The following SPTAN1 variants were observed in gnomAD, a reference collection of about 807,000 sequenced individuals.
The protein encoded by SPTAN1 is spectrin alpha chain, non-erythrocytic 1.
SPTAN1 carries 61 observed loss-of-function variants against 331.3 expected under a neutral mutation model. The observed-to-expected ratio is 0.18, with a 90% confidence interval of 0.15 to 0.23. SPTAN1 has a LOEUF of 0.23. Ranked by LOEUF, SPTAN1 falls within the 10% of genes least tolerant of loss-of-function variation. The probability of loss-of-function intolerance (pLI) is 1.00; values close to 1 mark genes in which losing one functional copy is unlikely to be tolerated. For missense variants in SPTAN1, 2,043 were observed against 3,147.9 expected, an observed-to-expected ratio of 0.65 and a Z score of 8.40; for synonymous variants, 1,153 against 1,173.9, an observed-to-expected ratio of 0.98 and a Z score of 0.36.
At chr9:128,604,261 A>G (rs1855537847) in intron 28 of SPTAN1, 65 bp from the exon 29 acceptor site, 3 of 1,539,648 alleles carry the variant, frequency 1.9e-6, no homozygotes, top group Non-Finnish European at 2.7e-6. Context: ...TCATTTTCCC[A>G]AAGTCTGACT....
intron 27 of SPTAN1, among the ~76,000 whole-genome samples, chr9:128,602,201 GT>G (rs1428010341): frequency 1.7e-4 from 25 of 143,040 alleles, no homozygotes; most frequent in African/African-American, 6.4e-4. Context: ...TTTTTTTTTT[GT>G]TTTTTTTGGG....
chr9:128,596,977 T>C (rs1234681105), intron 24 of SPTAN1, among the ~76,000 whole-genome samples: 1 of 152,154 alleles, frequency 6.6e-6, no homozygotes, highest in African/African-American at 2.4e-5. Context: ...CTGGCCAACA[T>C]GGCAAAACCC....
Position 128,633,376 on chromosome 9 carries a change from T to C in SPTAN1, c.*42T>C, listed in dbSNP as rs901186025. 10 of 1,612,906 alleles carry C rather than the reference T, an allele frequency of 6.2e-6. No homozygotes were observed. The highest frequency in any genetic ancestry group is 8.5e-6 in the Non-Finnish European group (10 of 1,179,998). On this transcript the variant is annotated 3_prime_UTR_variant, in exon 57 of 57. Coordinates refer to ENST00000372739, the MANE Select transcript of SPTAN1 (RefSeq NM_001130438.3). ...CCCACCCCTCGCTGCTTGCCCTGCG[T>C]CGCCTTGCTGCATGTCCGCTCCTCT...
In SPTAN1 at chr9:128,609,376, G is replaced by A. The variant is rs778743322; in HGVS notation, c.4758+92G>A. On this transcript the variant is annotated intron_variant, in intron 36 of 56. Transcript: ENST00000372739. ...AAAGCATTTATAAAACAATCTCCTT[G>A]CACCCATGGGAAGTCAGTGAGAAAT... 1.1e-5 allele frequency: 18 copies of A among 1,569,030 alleles called. No individual in the cohort carries two copies. The South Asian group carries it at 1.5e-4, about 13-fold the overall frequency.
intron 24 of SPTAN1, among the ~76,000 whole-genome samples, chr9:128,595,404 C>T (rs1854137972): frequency 6.6e-6 from 1 of 152,224 alleles, no homozygotes; most frequent in Non-Finnish European, 1.5e-5. Flanking sequence ...GCTACCATGC[C>T]TGGCCTGTGT....
At chr9:128,632,981 G>A (rs771464146) in intron 56 of SPTAN1, 26 bp downstream of exon 56, 14 of 1,608,604 alleles carry the variant, frequency 8.7e-6, no homozygotes, top group Non-Finnish European at 1.1e-5. Flanking sequence ...GGTGGGTGAA[G>A]AGGTGTCCTT....
intron 44 of SPTAN1, among the ~76,000 whole-genome samples, chr9:128,620,759 G>A (rs533819057): frequency 1.2e-4 from 19 of 152,046 alleles, no homozygotes; most frequent in South Asian, 2.1e-4. Flanking sequence ...GGCCTTTTCT[G>A]AGATGTGTTC....
At chr9:128,555,897 C>G (rs892606706) in intron 1 of SPTAN1, among the ~76,000 whole-genome samples, 3 of 152,070 alleles carry the variant, frequency 2.0e-5, no homozygotes, top group Non-Finnish European at 4.4e-5. Flanking sequence ...ACCACAATTT[C>G]TATAATAGAG....
Position 128,584,176 on chromosome 9 carries a change from C to T in SPTAN1, c.2194-106C>T. 5 of 1,566,772 alleles carry T rather than the reference C, an allele frequency of 3.2e-6. No individual in the cohort carries two copies. The South Asian group carries it at 5.6e-5, about 18-fold the overall frequency. On this transcript the variant is annotated intron_variant, in intron 16 of 56. Transcript: ENST00000372739. ...AGCCCCAGATGAAGGAAGGAGATAG[C>T]AGAAAGAATCCTCTCAGGAATGGAA...
At chr9:128,561,233 C>T (rs1410167597) in intron 1 of SPTAN1, among the ~76,000 whole-genome samples, 1 of 149,118 alleles carries the variant, frequency 6.7e-6, no homozygotes. Context: ...ATTAGCTGGG[C>T]GTGGTGGTTT....
chr9:128,568,474 G>A (rs1850291016), intron 2 of SPTAN1, among the ~76,000 whole-genome samples: 1 of 152,130 alleles, frequency 6.6e-6, no homozygotes, highest in African/African-American at 2.4e-5. Flanking sequence ...TTTTCTGATA[G>A]CAAAAACAAA....
chr9:128,627,768 A>G lies in SPTAN1; in HGVS notation c.6690-157A>G, dbSNP rs2131991521. On this transcript the variant is annotated intron_variant, in intron 50 of 56. Coordinates refer to ENST00000372739, the MANE Select transcript of SPTAN1 (RefSeq NM_001130438.3). The surrounding 1 kb of genome is among the most constrained non-coding windows in gnomAD (Gnocchi z 4.9). ...GCAGGGCGCGTGGTCAGCCCCAGCCATGACTTGGTGACAGACGATGCAGGG... is the reference window on the plus strand; with the variant it reads ...GCAGGGCGCGTGGTCAGCCCCAGCCGTGACTTGGTGACAGACGATGCAGGG... The G allele has an allele frequency of 9.9e-7, 1 of 1,010,928 alleles. No homozygotes were observed. 62.6% of individuals were successfully genotyped at this position (1,010,928 alleles called of 1,614,324 possible).
chr9:128,574,009 T>A (rs1442928278), intron 3 of SPTAN1, among the ~76,000 whole-genome samples: 1 of 152,204 alleles, frequency 6.6e-6, no homozygotes, highest in African/African-American at 2.4e-5. Context: ...CGCCTCGGCC[T>A]CCCAAAGTGC....
At position 128,604,380 on chromosome 9, in the gene SPTAN1, C is replaced by T. The variant is rs759836116; in HGVS notation, c.3682C>T (p.Leu1228Phe). Residue 1228 changes from leucine to phenylalanine, a missense_variant, in exon 29 of 57, where the codon CTC (leucine) becomes TTC (phenylalanine). Leu to Phe is a conservative substitution (Grantham distance 22). Transcript: ENST00000372739. ...LQQLAEERSQ[L>F]LGSAHEVQRF... The stretch of plus-strand genomic sequence containing the variant: ...GCAGCTGGCCGAGGAACGGAGCCAG[C>T]TCTTGGGCAGCGCCCATGAAGTACA... The T allele has an allele frequency of 1.2e-6, 2 of 1,613,972 alleles. No homozygotes were observed.
intron 52 of SPTAN1, chr9:128,631,842 C>T (rs560257877): frequency 9.0e-6 from 4 of 446,104 alleles, no homozygotes; most frequent in African/African-American, 5.9e-5. Flanking sequence ...AAATCTTTGG[C>T]CACTGCTTCC....
In SPTAN1 at chr9:128,615,792, G is replaced by A. The variant is rs374625039; in HGVS notation, c.5309G>A (p.Arg1770His). The change falls in exon 41 of 57, where the codon CGC becomes CAC. Residue 1770 changes from arginine to histidine, a missense_variant. By Grantham distance (29) the Arg-to-His change is conservative. Transcript: ENST00000372739. ...SRRAKLNESH[R>H]LHQFFRDMDD... ...CGAGCCAAGCTGAATGAATCCCATC[G>A]CCTGCACCAGTTCTTCCGGGACATG... is the stretch of plus-strand genomic sequence containing the variant. 3.1e-6 allele frequency: 5 copies of A among 1,614,120 alleles called. No homozygotes were observed. Among genetic ancestry groups the A allele is most frequent in the Admixed American group, 1.7e-5 (1 of 60,006 alleles).
intron 28 of SPTAN1, among the ~76,000 whole-genome samples, chr9:128,603,879 C>T (rs555165162): frequency 2.0e-5 from 3 of 152,358 alleles, no homozygotes; most frequent in South Asian, 2.1e-4. Context: ...ATGCAGTGAG[C>T]GGCTTCCTTG....
intron 19 of SPTAN1, among the ~76,000 whole-genome samples, 180 bp from the exon 20 acceptor site, chr9:128,587,426 A>C (rs913560319): frequency 6.6e-6 from 1 of 152,200 alleles, no homozygotes; most frequent in Non-Finnish European, 1.5e-5. Context: ...TGATTGTCCC[A>C]AAAGATGAGA....
chr9:128,562,992 G>GTATATATATA (rs1168781290), intron 1 of SPTAN1, among the ~76,000 whole-genome samples: 27 of 3,100 alleles, frequency 8.7e-3, no homozygotes, highest in African/African-American at 0.01. Flanking sequence ...ACATGTATGT[G>GTATATATATA]TATATATATA....
Sources: gnomAD v4.1 joint callset for allele counts (sites outside exome capture counted in the v4.1 genomes callset) on GRCh38, gnomAD v4.1.1 for gene constraint, Gnocchi (gnomAD v3.1) non-coding constraint, MANE v1.5 for transcripts, NCBI Gene and HGNC (gene_info 2026-07-23, HGNC 2026-07-21) for gene names.